Variants in SLC44A1 observed in about 807,000 individuals in gnomAD.
The protein encoded by SLC44A1 is choline transporter-like protein 1.
SLC44A1 carries 26 observed loss-of-function variants against 79.3 expected under a neutral mutation model. That is an observed-to-expected ratio of 0.33 (90% CI 0.24 to 0.46). SLC44A1 has a LOEUF of 0.46. Ranked by LOEUF, SLC44A1 falls within the 20% of genes least tolerant of loss-of-function variation. SLC44A1 has a pLI of 1.00. For synonymous variants in SLC44A1, 263 were observed against 286.2 expected, an observed-to-expected ratio of 0.92 and a Z score of 0.82; for missense variants, 688 against 798.1, an observed-to-expected ratio of 0.86 and a Z score of 1.66.
intron 15 of SLC44A1, among the ~76,000 whole-genome samples, chr9:105,435,578 G>A (rs533991126): frequency 6.6e-6 from 1 of 152,334 alleles, no homozygotes; most frequent in East Asian, 1.9e-4. Context: ...GTGGAATGCT[G>A]CAAAGTTGGT....
intron 5 of SLC44A1, among the ~76,000 whole-genome samples, chr9:105,349,340 A>G (rs1827335358): frequency 6.6e-6 from 1 of 152,230 alleles, no homozygotes; most frequent in Non-Finnish European, 1.5e-5. Flanking sequence ...GTTGTATAAA[A>G]AATTTTGAGA....
chr9:105,390,508 C>A lies in SLC44A1; in HGVS notation c.*1452C>A. ...AATCTTTTGAAAGAAAGCATTGCCTCCTACCAGAACTAGACAGTGAATTAG... is the reference window on the plus strand; with the variant it reads ...AATCTTTTGAAAGAAAGCATTGCCTACTACCAGAACTAGACAGTGAATTAG... On this transcript the variant is annotated 3_prime_UTR_variant, in exon 16 of 16. Transcript: ENST00000374720. 1.0e-6 allele frequency: 1 copy of A among 983,578 alleles called. No homozygotes were observed. Among genetic ancestry groups the A allele is most frequent in the Non-Finnish European group, 1.2e-6 (1 of 829,666 alleles). The allele number at this position is 983,578 out of a possible 1,614,324, so 60.9% of individuals were successfully genotyped here.
At chr9:105,336,490 C>T (rs537393807) in intron 4 of SLC44A1, among the ~76,000 whole-genome samples, 7 of 152,054 alleles carry the variant, frequency 4.6e-5, no homozygotes, top group South Asian at 4.2e-4. Flanking sequence ...TTCAGAGAAT[C>T]GTTTTTTTAA....
chr9:105,254,026 C>T (rs1265047200), intron 1 of SLC44A1, among the ~76,000 whole-genome samples: 1 of 151,834 alleles, frequency 6.6e-6, no homozygotes, highest in Non-Finnish European at 1.5e-5. Flanking sequence ...TGGCTGAGAC[C>T]CTGTCTTAAA....
At chr9:105,340,920 G>T (rs577989212) in intron 4 of SLC44A1, among the ~76,000 whole-genome samples, 2 of 152,304 alleles carry the variant, frequency 1.3e-5, no homozygotes, top group South Asian at 4.1e-4. Flanking sequence ...AGAGTTTGTG[G>T]AATGCCCCTG....
intron 3 of SLC44A1, among the ~76,000 whole-genome samples, chr9:105,331,929 A>G (rs1826762150): frequency 6.6e-6 from 1 of 152,104 alleles, no homozygotes; most frequent in Non-Finnish European, 1.5e-5. Context: ...TACCTCACAG[A>G]GTTGTTGCAA....
At position 105,385,493 on chromosome 9, in the gene SLC44A1, A is replaced by G; in HGVS notation, c.1941A>G (p.Leu647=). ...GKGGVADSRE[L]KPMASGASSA ...GAGGCGTCGCTGATTCCAGAGAGCTAAAGCCGATGGTAGGTGGAGATGAGG... is the reference window on the plus strand; with the variant it reads ...GAGGCGTCGCTGATTCCAGAGAGCTGAAGCCGATGGTAGGTGGAGATGAGG... The change falls in exon 15 of 16, where the codon CTA becomes CTG. Residue 647 remains leucine (L), a synonymous_variant. Transcript: ENST00000374720. The G allele has an allele frequency of 6.3e-7, 1 of 1,575,240 alleles. No individual in the cohort carries two copies. Among genetic ancestry groups the G allele is most frequent in the Non-Finnish European group, 8.6e-7 (1 of 1,159,534 alleles).
In SLC44A1 at chr9:105,315,135, T is replaced by TA. The variant is rs1343739883; in HGVS notation, c.269+5276dup. ...GAACTTGACGAGTCCCCATTCACAT[T>TA]AAAAAAACTTTGAAAGGCACCAAAG... On this transcript the variant is annotated intron_variant, in intron 3 of 15. Coordinates refer to ENST00000374720, the MANE Select transcript of SLC44A1 (RefSeq NM_080546.5). Among the ~76,000 whole-genome samples, 3 of 152,144 alleles carry TA rather than the reference T, an allele frequency of 2.0e-5. No individual in the cohort carries two copies. The East Asian group carries it at 5.8e-4, about 29-fold the overall frequency.
chr9:105,251,995 C>G (rs1234871428), intron 1 of SLC44A1, among the ~76,000 whole-genome samples: 1 of 152,118 alleles, frequency 6.6e-6, no homozygotes, highest in Non-Finnish European at 1.5e-5. Flanking sequence ...GGCTTACGAG[C>G]TAAGAATGGT....
At position 105,436,360 on chromosome 9, in the gene SLC44A1, G is replaced by A. The variant is rs550081036; in HGVS notation, c.1951-1921G>A. Among the ~76,000 whole-genome samples the A allele has an allele frequency of 5.9e-5, 9 of 152,282 alleles. 1 individual carries two copies. Among genetic ancestry groups the A allele is most frequent in the African/African-American group, 1.9e-4 (8 of 41,566 alleles). ...AGATGTCAGTCTAATCATAGGTCCT[G>A]TTATTTTCAGTAAAGGGGAAAAAAT... On this transcript the variant is annotated intron_variant, in intron 15 of 15. Transcript: ENST00000374724.
At chr9:105,257,078 G>A (rs1046498181) in intron 1 of SLC44A1, among the ~76,000 whole-genome samples, 3 of 151,086 alleles carry the variant, frequency 2.0e-5, no homozygotes, top group African/African-American at 4.9e-5. Flanking sequence ...GAGCCACTGC[G>A]CCCGGCCTTT....
chr9:105,323,215 C>CAAAAAAA, intron 3 of SLC44A1, among the ~76,000 whole-genome samples: 1 of 76,612 alleles, frequency 1.3e-5, no homozygotes, highest in Non-Finnish European at 2.9e-5. Context: ...AACTCCATCT[C>CAAAAAAA]AAAAAAAAAA....
At chr9:105,377,059 A>G (rs1039386845) in intron 13 of SLC44A1, among the ~76,000 whole-genome samples, 1 of 152,154 alleles carries the variant, frequency 6.6e-6, no homozygotes, top group Non-Finnish European at 1.5e-5. Flanking sequence ...AGTAATTCTG[A>G]GTCAATGATA....
intron 3 of SLC44A1, among the ~76,000 whole-genome samples, chr9:105,331,927 A>C (rs1206781855): frequency 6.6e-6 from 1 of 152,168 alleles, no homozygotes; most frequent in Non-Finnish European, 1.5e-5. Flanking sequence ...CCTACCTCAC[A>C]GAGTTGTTGC....
downstream of SLC44A1, among the ~76,000 whole-genome samples, chr9:105,401,179 T>G (rs540596907): frequency 2.0e-5 from 3 of 152,226 alleles, no homozygotes; most frequent in South Asian, 6.2e-4. Flanking sequence ...TACATAAAAA[T>G]GATGATTATG....
intron 4 of SLC44A1, among the ~76,000 whole-genome samples, chr9:105,343,764 C>A (rs1308528210): frequency 2.0e-5 from 3 of 152,092 alleles, no homozygotes; most frequent in African/African-American, 7.2e-5. Flanking sequence ...AAGTACAGTC[C>A]CCACATTTAA....
At chr9:105,434,516 C>T (rs989731945) in intron 15 of SLC44A1, among the ~76,000 whole-genome samples, 10 of 152,138 alleles carry the variant, frequency 6.6e-5, no homozygotes, top group Admixed American at 4.6e-4. Context: ...AGATTCATTC[C>T]GGGGGATTCA....
intron 1 of SLC44A1, among the ~76,000 whole-genome samples, chr9:105,288,375 G>T (rs374517351): frequency 6.6e-6 from 1 of 152,008 alleles, no homozygotes; most frequent in African/African-American, 2.4e-5. Context: ...TTGAGACAGG[G>T]TCTCGCTCTG....
chr9:105,305,842 CCTTTTT>C (rs1831015836), intron 2 of SLC44A1, among the ~76,000 whole-genome samples: 1 of 134,382 alleles, frequency 7.4e-6, no homozygotes, highest in Non-Finnish European at 1.5e-5. Flanking sequence ...AAAAGTGTGT[CCTTTTT>C]TTTTTTTTTT....
Sources: gnomAD v4.1 joint callset for allele counts (sites outside exome capture counted in the v4.1 genomes callset) on GRCh38, gnomAD v4.1.1 for gene constraint, MANE v1.5 for transcripts, NCBI Gene and HGNC (gene_info 2026-07-23, HGNC 2026-07-21) for gene names.